ROR1: variants seen among roughly 807,000 people sequenced by gnomAD.
ROR1 encodes ROR family WNT receptor 1.
ROR1 carries 19 observed loss-of-function variants against 78.8 expected under a neutral mutation model. The observed-to-expected ratio is 0.24, with a 90% CI of 0.17 to 0.35. The LOEUF (loss-of-function observed/expected upper bound fraction) is 0.35, where lower values mean the gene tolerates loss of function less well. Ranked by LOEUF, ROR1 falls within the 10% of genes least tolerant of loss-of-function variation. ROR1 has a pLI of 1.00. For synonymous variants in ROR1, 386 were observed against 433.6 expected (o/e 0.89, Z 1.36); for missense variants, 917 against 1,177.8 (o/e 0.78, Z 3.24).
At chr1:63,802,640 T>A (rs1172681651) in intron 1 of ROR1, among the ~76,000 whole-genome samples, 1 of 152,236 alleles carries the variant, frequency 6.6e-6, no homozygotes, top group African/African-American at 2.4e-5. Context: ...CCTCTTTTCT[T>A]GCTGTTTTGA....
intron 1 of ROR1, among the ~76,000 whole-genome samples, chr1:63,796,736 C>T (rs1272860735): frequency 1.3e-5 from 2 of 152,028 alleles, no homozygotes; most frequent in East Asian, 3.9e-4. Context: ...GTGTTTTGGG[C>T]CTTGACAGTG....
At chr1:63,788,708 G>T (rs139861378) in intron 1 of ROR1, 267 of 369,950 alleles carry the variant, frequency 7.2e-4, no homozygotes, top group Middle Eastern at 1.9e-3. Context: ...AGACAAAGTG[G>T]AAGTTTTTAT....
chr1:63,779,046 C>T (rs906328561), intron 1 of ROR1, among the ~76,000 whole-genome samples: 4 of 152,200 alleles, frequency 2.6e-5, no homozygotes, highest in African/African-American at 9.7e-5. Flanking sequence ...AATTTCCCTT[C>T]GAGTGCTGGA....
chr1:64,013,840 T>C (rs1336238894), intron 2 of ROR1, among the ~76,000 whole-genome samples: 1 of 152,260 alleles, frequency 6.6e-6, no homozygotes, highest in Non-Finnish European at 1.5e-5. Context: ...TTGCCTTATC[T>C]ATTGTCTAAC....
chr1:63,847,922 T>C (rs1645091519), intron 1 of ROR1, among the ~76,000 whole-genome samples: 1 of 152,204 alleles, frequency 6.6e-6, no homozygotes, highest in Non-Finnish European at 1.5e-5. Flanking sequence ...CTTCAAGTTA[T>C]GTGAGGTGGC....
At chr1:64,057,443 GTA>G (rs1646884074) in intron 4 of ROR1, among the ~76,000 whole-genome samples, 1 of 152,190 alleles carries the variant, frequency 6.6e-6, no homozygotes, top group Admixed American at 6.5e-5. Flanking sequence ...GTAAAATTGT[GTA>G]TGTATACATA....
At chr1:64,126,146 T>A (rs1286594069) in intron 4 of ROR1, among the ~76,000 whole-genome samples, 16 of 152,128 alleles carry the variant, frequency 1.1e-4, no homozygotes, top group Admixed American at 9.8e-4. Context: ...AAAATGAGAA[T>A]GGATTTCCTG....
chr1:64,049,340 G>A (rs558990923), intron 2 of ROR1, among the ~76,000 whole-genome samples: 2 of 152,240 alleles, frequency 1.3e-5, no homozygotes, highest in South Asian at 4.2e-4. Context: ...TGGGTGGGGA[G>A]ATTTGAGGTG....
chr1:64,081,366 A>G (rs1330004740), intron 4 of ROR1, among the ~76,000 whole-genome samples: 1 of 152,244 alleles, frequency 6.6e-6, no homozygotes, highest in Non-Finnish European at 1.5e-5. Flanking sequence ...TGTTAGACAT[A>G]TTGTGAAATA....
chr1:63,962,710 G>T (rs1646039889), intron 1 of ROR1, among the ~76,000 whole-genome samples: 1 of 152,206 alleles, frequency 6.6e-6, no homozygotes, highest in Non-Finnish European at 1.5e-5. Context: ...TGAGCTACCT[G>T]TGGGAAAGTC....
At chr1:63,905,586 T>C (rs767897741) in intron 1 of ROR1, among the ~76,000 whole-genome samples, 194 of 152,302 alleles carry the variant, frequency 1.3e-3, no homozygotes, top group Non-Finnish European at 1.1e-3. Context: ...GATAATAAAA[T>C]GTGAAAACAC....
chr1:63,989,162 G>GTTTTTTTTTTTTTTTT (rs1287163623), intron 1 of ROR1, among the ~76,000 whole-genome samples: 2 of 117,398 alleles, frequency 1.7e-5, no homozygotes, highest in African/African-American at 5.8e-5. Flanking sequence ...GTCATTTTCT[G>GTTTTTTTTTTTTTTTT]TTTTTGTTTT....
At chr1:64,110,636 A>G (rs1648054202) in intron 4 of ROR1, 2 of 152,094 alleles carry the variant, frequency 1.3e-5, no homozygotes, top group Admixed American at 6.6e-5. Flanking sequence ...CTTAAATCAT[A>G]CAGTGTTCAT....
intron 1 of ROR1, among the ~76,000 whole-genome samples, chr1:63,986,323 C>T (rs559277310): frequency 6.6e-5 from 10 of 152,300 alleles, no homozygotes; most frequent in Admixed American, 2.0e-4. Flanking sequence ...ATATTCCTTT[C>T]ACTGAGATTG....
At chr1:64,007,136 C>T (rs1646434337) in intron 1 of ROR1, among the ~76,000 whole-genome samples, 1 of 152,064 alleles carries the variant, frequency 6.6e-6, no homozygotes, top group African/African-American at 2.4e-5. Flanking sequence ...TGCAATTCTT[C>T]CACTTAATAA....
chr1:63,777,108 C>G (rs1239500050), intron 1 of ROR1, among the ~76,000 whole-genome samples: 2 of 152,068 alleles, frequency 1.3e-5, no homozygotes, highest in Admixed American at 1.3e-4. Context: ...TCATCTACCC[C>G]CTCCCTATGC....
intron 1 of ROR1, among the ~76,000 whole-genome samples, chr1:63,988,691 T>C (rs548943986): frequency 1.3e-5 from 2 of 152,336 alleles, no homozygotes; most frequent in Admixed American, 6.5e-5. Flanking sequence ...TTTCTGTCCC[T>C]ATGATTTTGA....
intron 2 of ROR1, among the ~76,000 whole-genome samples, chr1:64,011,432 A>T (rs1277048461): frequency 1.3e-5 from 2 of 152,236 alleles, no homozygotes; most frequent in African/African-American, 4.8e-5. Context: ...CAGAAAAATT[A>T]TATCATTGCA....
At chr1:63,844,168 A>G (rs1476878725) in intron 1 of ROR1, among the ~76,000 whole-genome samples, 3 of 152,222 alleles carry the variant, frequency 2.0e-5, no homozygotes, top group African/African-American at 7.2e-5. Context: ...TAATCAGCTC[A>G]CACATGGTTA....
Sources: allele counts gnomAD v4.1 joint callset (sites outside exome capture counted in the v4.1 genomes callset), GRCh38; gene constraint gnomAD v4.1.1; transcripts MANE v1.5; gene names NCBI Gene and HGNC (gene_info 2026-07-23, HGNC 2026-07-21).